The following ZFP90 variants were observed in gnomAD, a reference collection of about 807,000 sequenced individuals.
ZFP90 encodes ZFP90 zinc finger protein.
In ZFP90, 38 loss-of-function variants were observed where a neutral mutation model predicts 60.8. That is an observed-to-expected ratio of 0.62 (90% CI 0.48 to 0.82). ZFP90 has a LOEUF of 0.82. Ranked by LOEUF, ZFP90 falls within the 40% of genes least tolerant of loss-of-function variation. The probability of loss-of-function intolerance (pLI) is 0.00; values close to 1 mark genes in which losing one functional copy is unlikely to be tolerated. For missense variants in ZFP90, 711 were observed against 759.1 expected (o/e 0.94, Z 0.74); for synonymous variants, 287 against 264.8 (o/e 1.08, Z -0.82).
At chr16:68,569,681 T>G (rs1204002287), downstream of ZFP90, among the ~76,000 whole-genome samples, 1 of 152,062 alleles carries the variant, frequency 6.6e-6, no homozygotes, top group South Asian at 2.1e-4. Context: ...TGGGCGAATT[T>G]CTTGAGCCCA....
At chr16:68,546,391 A>G (rs1212935533) in intron 2 of ZFP90, among the ~76,000 whole-genome samples, 1 of 152,190 alleles carries the variant, frequency 6.6e-6, no homozygotes, top group Admixed American at 6.5e-5. Flanking sequence ...TGAAAACTCT[A>G]CAATCCATTA....
At position 68,563,116 on chromosome 16, in the gene ZFP90, A is replaced by G. The variant is rs376936690; in HGVS notation, c.329A>G (p.His110Arg). The change falls in exon 5 of 5, where the codon CAT becomes CGT. Residue 110 changes from histidine to arginine, a missense_variant. His to Arg is a conservative substitution (Grantham distance 29, BLOSUM62 0). Around this residue, in one of 5 missense-constraint regions of ZFP90, gnomAD observed 241 missense variants for 247.6 expected, o/e 0.97. Coordinates refer to ENST00000563169, the MANE Select transcript of ZFP90 (RefSeq NM_001305203.2). ...GTATCAGAAGTATCCCACTGCACAC[A>G]TGATCTCTTACATGCTACATTAGAA... ...QDVSEVSHCTHDLLHATLEDS... is the reference protein window; with the variant it reads ...QDVSEVSHCTRDLLHATLEDS... 1 of 1,614,192 alleles carries G rather than the reference A, an allele frequency of 6.2e-7. No individual in the cohort carries two copies. Among genetic ancestry groups the G allele is most frequent in the East Asian group, 2.2e-5 (1 of 44,876 alleles).
chr16:68,539,695 G>A, intron 1 of ZFP90, 63 bp from the exon 2 acceptor site: 3 of 1,320,954 alleles, frequency 2.3e-6, no homozygotes, highest in East Asian at 2.7e-5. Context: ...GAGGTGGGGC[G>A]GGGCGGGGCG....
chr16:68,540,621 G>A (rs2091025163), intron 2 of ZFP90, among the ~76,000 whole-genome samples: 1 of 151,878 alleles, frequency 6.6e-6, no homozygotes, highest in Non-Finnish European at 1.5e-5. Context: ...TTAGAATTAA[G>A]GGAAAATGAC....
At chr16:68,569,212 C>T (rs1408279825), downstream of ZFP90, among the ~76,000 whole-genome samples, 1 of 147,554 alleles carries the variant, frequency 6.8e-6, no homozygotes, top group Non-Finnish European at 1.5e-5. Flanking sequence ...TCTCAACTCA[C>T]TGCAACTTCC....
rs2091499906 is a variant in ZFP90 at position 68,564,814 on chromosome 16, T to C, written c.*116T>C. On this transcript the variant is annotated 3_prime_UTR_variant, in exon 5 of 5. Transcript: ENST00000563169. Reference sequence around the variant, plus strand: ...GAATTACGTGTGTGTTTATACGTTGTGTGTGGAGAAAACTGCCAGTAGACA... The same window carrying C: ...GAATTACGTGTGTGTTTATACGTTGCGTGTGGAGAAAACTGCCAGTAGACA... 5.6e-6 allele frequency: 8 copies of C among 1,418,612 alleles called. No homozygotes were observed. Among genetic ancestry groups the C allele is most frequent in the Non-Finnish European group, 6.4e-6 (7 of 1,091,170 alleles). The allele number at this position is 1,418,612 out of a possible 1,614,324, so 87.9% of individuals were successfully genotyped here.
At chr16:68,542,104 G>A (rs1009739764) in intron 2 of ZFP90, among the ~76,000 whole-genome samples, 1 of 152,168 alleles carries the variant, frequency 6.6e-6, no homozygotes, top group African/African-American at 2.4e-5. Context: ...GGAATGCAAA[G>A]ATTAGTAATG....
At chr16:68,558,429 C>T (rs75130703) in intron 3 of ZFP90, 44 bp from the exon 4 acceptor site, 78,859 of 1,572,146 alleles carry the variant, frequency 0.05, 2,580 homozygotes, top group East Asian at 0.14. Context: ...GTTCTTTGTC[C>T]ACTTGCACAA....
chr16:68,560,849 C>T (rs565176450), intron 4 of ZFP90, among the ~76,000 whole-genome samples: 80 of 151,488 alleles, frequency 5.3e-4, no homozygotes, highest in Non-Finnish European at 8.1e-4. Flanking sequence ...CAAGCCTGAG[C>T]CACCATGCCC....
upstream of ZFP90, among the ~76,000 whole-genome samples, chr16:68,534,479 C>T (rs1472072284): frequency 1.9e-4 from 28 of 151,230 alleles, no homozygotes; most frequent in East Asian, 1.6e-3. Context: ...CCACCTGCCT[C>T]GGCCTCTCAA....
In ZFP90 at chr16:68,566,086, T is replaced by G. The variant is rs1349808846; in HGVS notation, c.*1388T>G. On this transcript the variant is annotated 3_prime_UTR_variant, in exon 5 of 5. Coordinates refer to ENST00000563169, the MANE Select transcript of ZFP90 (RefSeq NM_001305203.2). ...GAGCAGAGACTGCAGTGAGCTGAGA[T>G]CACACTACTGCATTCCAGCCTGAGC... 3.2e-5 allele frequency: 31 copies of G among 976,714 alleles called. No homozygotes were observed. The highest frequency in any genetic ancestry group is 3.6e-5 in the Non-Finnish European group (30 of 822,160). The allele number at this position is 976,714 out of a possible 1,614,324, so 60.5% of individuals were successfully genotyped here. A position where few individuals can be genotyped will look rare whatever the true frequency, so the allele number is the denominator to read the frequency against.
chr16:68,575,171 C>T (rs77573268), intron 2 of ZFP90, among the ~76,000 whole-genome samples: 3,183 of 152,288 alleles, frequency 0.021, 122 homozygotes, highest in African/African-American at 0.07. Context: ...TCCCTTGGCC[C>T]TGGGCCTGCC....
In ZFP90 at chr16:68,564,458, CTG is replaced by C. The variant is rs1259284746; in HGVS notation, c.1674_1675del (p.Cys558TrpfsTer5). The C allele has an allele frequency of 2.5e-6, 4 of 1,613,652 alleles. No individual in the cohort carries two copies. Among genetic ancestry groups the C allele is most frequent in the East Asian group, 4.5e-5 (2 of 44,822 alleles). On this transcript the variant is annotated frameshift_variant, in exon 5 of 5. Coordinates refer to ENST00000563169, the MANE Select transcript of ZFP90 (RefSeq NM_001305203.2). LOFTEE classifies it high-confidence loss of function. ...GAGAGAAACCCTATGAATGTATTGA[CTG>C]TGGGAAAGCCTTTAGTCAAAGTTCA... The part of the protein sequence containing the change: ...TGEKPYECID[C>X]GKAFSQSSSL...
In ZFP90 at chr16:68,564,808, A is replaced by G; in HGVS notation, c.*110A>G. On this transcript the variant is annotated 3_prime_UTR_variant, in exon 5 of 5. Transcript: ENST00000563169. ...TGTAATGAATTACGTGTGTGTTTAT[A>G]CGTTGTGTGTGGAGAAAACTGCCAG... 1 of 1,435,598 alleles carries G rather than the reference A, an allele frequency of 7.0e-7. No individual in the cohort carries two copies. 88.9% of individuals were successfully genotyped at this position (1,435,598 alleles called of 1,614,324 possible).
At chr16:68,552,810 C>CT (rs2091282895) in intron 2 of ZFP90, among the ~76,000 whole-genome samples, 2 of 152,124 alleles carry the variant, frequency 1.3e-5, no homozygotes, top group Non-Finnish European at 2.9e-5. Flanking sequence ...CATCCCAGCA[C>CT]TTTGAGAGGC....
intron 2 of ZFP90, among the ~76,000 whole-genome samples, chr16:68,553,391 C>T (rs991891801): frequency 2.6e-5 from 4 of 151,950 alleles, no homozygotes; most frequent in African/African-American, 9.7e-5. Flanking sequence ...AACACAGGCA[C>T]CAGGGAGGAA....
In ZFP90 at chr16:68,566,653, A is replaced by C; in HGVS notation, c.*1955A>C. 1 of 985,586 alleles carries C rather than the reference A, an allele frequency of 1.0e-6. No individual in the cohort carries two copies. Among genetic ancestry groups the C allele is most frequent in the Non-Finnish European group, 1.2e-6 (1 of 829,948 alleles). 61.1% of individuals were successfully genotyped at this position (985,586 alleles called of 1,614,324 possible). On this transcript the variant is annotated 3_prime_UTR_variant, in exon 5 of 5. Transcript: ENST00000563169. Reference sequence around the variant, plus strand: ...ACCTTGTTTATGGTGCACCATGATTAGCTCACACACAATGCCAAGGCTGTG... The same window carrying C: ...ACCTTGTTTATGGTGCACCATGATTCGCTCACACACAATGCCAAGGCTGTG...
intron 2 of ZFP90, among the ~76,000 whole-genome samples, chr16:68,546,584 C>T (rs557455834): frequency 1.3e-5 from 2 of 152,278 alleles, no homozygotes; most frequent in South Asian, 4.2e-4. Context: ...GGTGCAATCT[C>T]GGCTCACTGC....
In ZFP90 at chr16:68,566,482, C is replaced by T. The variant is rs2091529533; in HGVS notation, c.*1784C>T. On this transcript the variant is annotated 3_prime_UTR_variant, in exon 5 of 5. Coordinates refer to ENST00000563169, the MANE Select transcript of ZFP90 (RefSeq NM_001305203.2). ...CATCATGGATGGCATGCAGCAGCAC[C>T]CAAGTATTCTTCATTCTTTGCAGGG... The T allele has an allele frequency of 1.0e-6, 1 of 985,388 alleles. No homozygotes were observed. Among genetic ancestry groups the T allele is most frequent in the Non-Finnish European group, 1.2e-6 (1 of 829,920 alleles). 61.0% of individuals were successfully genotyped at this position (985,388 alleles called of 1,614,324 possible).
Sources: allele counts gnomAD v4.1 joint callset (sites outside exome capture counted in the v4.1 genomes callset), GRCh38; gene constraint gnomAD v4.1.1; regional missense constraint gnomAD v4.1.1; transcripts MANE v1.5; gene names NCBI Gene and HGNC (gene_info 2026-07-23, HGNC 2026-07-21).